The following DNHD1 variants were observed in gnomAD, a reference collection of about 807,000 sequenced individuals.
The protein encoded by DNHD1 is dynein heavy chain domain-containing protein 1.
Under a neutral mutation model 458.1 loss-of-function variants are expected in DNHD1, and 383 were observed. That is an observed-to-expected ratio of 0.84 (90% confidence interval 0.77 to 0.91). The LOEUF is 0.91. DNHD1 is among the 40% of genes least tolerant of loss of function. DNHD1 has a pLI of 0.00. For synonymous variants in DNHD1, 2,203 were observed against 2,376.9 expected (o/e 0.93, Z 2.13); for missense variants, 5,336 against 5,866.1 (o/e 0.91, Z 2.95).
At chr11:6,504,615 A>G (rs1280514190) in intron 4 of DNHD1, among the ~76,000 whole-genome samples, 2 of 152,024 alleles carry the variant, frequency 1.3e-5, no homozygotes, top group Non-Finnish European at 2.9e-5. Flanking sequence ...ACACCTGGCT[A>G]ATTTTGTATT....
At chr11:6,500,714 G>A (rs867417242) in intron 3 of DNHD1, among the ~76,000 whole-genome samples, 1 of 152,136 alleles carries the variant, frequency 6.6e-6, no homozygotes, top group Non-Finnish European at 1.5e-5. Context: ...ACGTTCTCCC[G>A]GAGTGGTTTG....
intron 20 of DNHD1, 30 bp from the exon 21 acceptor site, chr11:6,544,762 C>A: frequency 6.5e-7 from 1 of 1,543,222 alleles, no homozygotes; most frequent in Non-Finnish European, 8.8e-7. Context: ...TTCATATTGG[C>A]CCTCACTTTT....
At chr11:6,542,238 A>G (rs1477814518) in intron 18 of DNHD1, among the ~76,000 whole-genome samples, 16 of 152,050 alleles carry the variant, frequency 1.1e-4, no homozygotes, top group Non-Finnish European at 4.4e-5. Context: ...ATGCTAATCC[A>G]TTTGCCCATC....
chr11:6,507,067 A>G (rs1337367689), intron 4 of DNHD1, among the ~76,000 whole-genome samples: 1 of 152,200 alleles, frequency 6.6e-6, no homozygotes, highest in Non-Finnish European at 1.5e-5. Flanking sequence ...ACTCAGGAAG[A>G]TACTGATTTC....
chr11:6,553,839 G>A (rs1416584325), intron 24 of DNHD1, among the ~76,000 whole-genome samples: 2 of 152,088 alleles, frequency 1.3e-5, no homozygotes, highest in Non-Finnish European at 2.9e-5. Context: ...TGAGATAGAG[G>A]AAATGTAAAT....
At chr11:6,511,464 C>A in intron 7 of DNHD1, 35 bp downstream of exon 7, 1 of 1,605,002 alleles carries the variant, frequency 6.2e-7, no homozygotes, top group South Asian at 1.1e-5. Flanking sequence ...GACCTCTTCC[C>A]CAAGTTGAGC....
At chr11:6,551,518 C>T (rs886222323) in intron 24 of DNHD1, among the ~76,000 whole-genome samples, 3 of 152,110 alleles carry the variant, frequency 2.0e-5, no homozygotes, top group African/African-American at 7.2e-5. Flanking sequence ...TCAACAAAGC[C>T]ATATTTTGTT....
intron 17 of DNHD1, among the ~76,000 whole-genome samples, chr11:6,539,606 G>C (rs1185727528): frequency 6.6e-6 from 1 of 152,160 alleles, no homozygotes; most frequent in African/African-American, 2.4e-5. Context: ...GTCCCCAGAG[G>C]GTGCGAGCTG....
chr11:6,512,814 G>A (rs1053343430), intron 7 of DNHD1, among the ~76,000 whole-genome samples: 1 of 152,038 alleles, frequency 6.6e-6, no homozygotes, highest in Non-Finnish European at 1.5e-5. Context: ...GTTCACTGAT[G>A]TATCCCAGGA....
chr11:6,563,074 G>A lies in DNHD1; in HGVS notation c.9612G>A (p.Glu3204=), dbSNP rs1035225904. 1.1e-5 allele frequency: 17 copies of A among 1,551,696 alleles called. No homozygotes were observed. In the African/African-American group the frequency reaches 2.1e-4, roughly 19 times the overall value. ...EECRHQENLI[E]NLARQRDALQ... is the part of the protein sequence containing the mutation. ...GTCGGCATCAAGAGAACCTCATTGA[G>A]AACCTGGCCAGGCAACGGGATGCCC... Residue 3204 remains glutamate, a synonymous_variant, in exon 29 of 43, where the codon GAG becomes GAA. Transcript: ENST00000254579.
At chr11:6,538,892 C>G in intron 16 of DNHD1, 82 bp downstream of exon 16, 5 of 1,300,580 alleles carry the variant, frequency 3.8e-6, no homozygotes, top group Non-Finnish European at 5.2e-6. Context: ...TCCTGCTGCT[C>G]CTGCTGGAAA....
chr11:6,551,752 C>G (rs190692038), intron 24 of DNHD1, among the ~76,000 whole-genome samples: 1,837 of 152,132 alleles, frequency 0.012, 20 homozygotes, highest in Middle Eastern at 0.021. Context: ...ACCATCCTGG[C>G]CAACATGGTG....
rs903567926 is a variant in DNHD1 at position 6,528,965 on chromosome 11, A to G, written c.2191A>G (p.Lys731Glu). 6 of 1,551,574 alleles carry G rather than the reference A, an allele frequency of 3.9e-6. No homozygotes were observed. The Admixed American group carries it at 1.2e-4, about 30-fold the overall frequency. The change falls in exon 12 of 43, where the codon AAG (lysine) becomes GAG (glutamate). Residue 731 changes from lysine (K) to glutamate (E), a missense_variant. Physicochemically the swap from Lys to Glu is moderately conservative, Grantham distance 56. Transcript: ENST00000254579. The part of the protein sequence containing the change: ...YEFLQSWGPQ[K>E]LEDMRGGPIK... Reference sequence around the variant, plus strand: ...ATTCCTGCAATCCTGGGGGCCTCAGAAGCTGGAAGACATGAGAGGTGGTCC... The same window carrying G: ...ATTCCTGCAATCCTGGGGGCCTCAGGAGCTGGAAGACATGAGAGGTGGTCC...
At position 6,557,977 on chromosome 11, in the gene DNHD1, T is replaced by A. The variant is rs1404087299; in HGVS notation, c.8682T>A (p.Gly2894=). Residue 2894 remains glycine, a synonymous_variant, in exon 25 of 43, where the codon GGT becomes GGA. Coordinates refer to ENST00000254579, the MANE Select transcript of DNHD1 (RefSeq NM_144666.3). ...GCCTGCTGCTCTCGGGGGCTCTGGG[T>A]ACTGGGCGCCACACTGCCATCACTC... The part of the protein sequence containing the change: ...QHGLLLSGAL[G]TGRHTAITLA... The A allele has an allele frequency of 6.4e-7, 1 of 1,551,586 alleles. No homozygotes were observed. The highest frequency in any genetic ancestry group is 1.2e-5 in the South Asian group (1 of 84,052).
At chr11:6,509,119 G>A in intron 5 of DNHD1, 36 bp downstream of exon 5, 1 of 1,614,034 alleles carries the variant, frequency 6.2e-7, no homozygotes, top group African/African-American at 1.3e-5. Flanking sequence ...GGGGGGAAAT[G>A]GATGACAGCA....
chr11:6,497,898 T>G lies in DNHD1; in HGVS notation c.-318T>G. 2.9e-6 allele frequency: 1 copy of G among 350,494 alleles called. No individual in the cohort carries two copies. Among genetic ancestry groups the G allele is most frequent in the Non-Finnish European group, 5.3e-6 (1 of 189,114 alleles). 21.7% of individuals were successfully genotyped at this position (350,494 alleles called of 1,614,324 possible). On this transcript the variant is annotated 5_prime_UTR_variant, in exon 3 of 43. Coordinates refer to ENST00000254579, the MANE Select transcript of DNHD1 (RefSeq NM_144666.3). Reference sequence around the variant, plus strand: ...GAAGGAACTCTTCTGCAAGGAGGGCTCTCACGTCTGTCTTAGGCCTGCTCC... The same window carrying G: ...GAAGGAACTCTTCTGCAAGGAGGGCGCTCACGTCTGTCTTAGGCCTGCTCC...
At chr11:6,509,131 C>T (rs1461348495) in intron 5 of DNHD1, 31 bp from the exon 6 acceptor site, 1 of 1,613,852 alleles carries the variant, frequency 6.2e-7, no homozygotes, top group Non-Finnish European at 8.5e-7. Context: ...ATGACAGCAA[C>T]AGTATATTAT....
At position 6,571,383 on chromosome 11, in the gene DNHD1, A is replaced by G. The variant is rs372900189; in HGVS notation, c.13871A>G (p.Tyr4624Cys). Residue 4624 changes from tyrosine to cysteine, a missense_variant, in exon 42 of 43, where the codon TAT (tyrosine) becomes TGT (cysteine). Transcript: ENST00000254579. This position sits in a 1 kb window ranked among gnomAD's most constrained non-coding sequence, Gnocchi z 5.0. ...SRGSVSSQLQ[Y>C]KRLEMNSNPL... ...GGCTCGGTCTCCAGTCAGCTCCAGTATAAACGTCTGGAGATGAACAGCAAC... is the reference window on the plus strand; with the variant it reads ...GGCTCGGTCTCCAGTCAGCTCCAGTGTAAACGTCTGGAGATGAACAGCAAC... 2.5e-6 allele frequency: 4 copies of G among 1,611,144 alleles called. No homozygotes were observed. Among genetic ancestry groups the G allele is most frequent in the South Asian group, 1.1e-5 (1 of 90,628 alleles).
intron 18 of DNHD1, among the ~76,000 whole-genome samples, chr11:6,543,045 G>T (rs771328792): frequency 6.6e-6 from 1 of 152,234 alleles, no homozygotes; most frequent in Non-Finnish European, 1.5e-5. Flanking sequence ...GAGCATAAAA[G>T]ATGGGCCTCT....
Sources: gnomAD v4.1 joint callset for allele counts (sites outside exome capture counted in the v4.1 genomes callset) on GRCh38, gnomAD v4.1.1 for gene constraint, Gnocchi (gnomAD v3.1) non-coding constraint, MANE v1.5 for transcripts, NCBI Gene and HGNC (gene_info 2026-07-23, HGNC 2026-07-21) for gene names.